Variants in ACAP2 observed in about 807,000 individuals in gnomAD.
The protein encoded by ACAP2 is ArfGAP with coiled-coil, ankyrin repeat and PH domains 2, also known as arf-GAP with coiled-coil, ANK repeat and PH domain-containing protein 2.
ACAP2 carries 39 observed loss-of-function variants against 115.8 expected under a neutral mutation model. The observed-to-expected ratio is 0.34, with a 90% CI of 0.26 to 0.44. The LOEUF (loss-of-function observed/expected upper bound fraction) is 0.44. Among genes scored for constraint, ACAP2 ranks in the 20% least tolerant of loss-of-function variants. ACAP2 has a pLI of 1.00. For synonymous variants in ACAP2, 289 were observed against 315.8 expected, an observed-to-expected ratio of 0.92 and a Z score of 0.90; for missense variants, 662 against 927.6, an observed-to-expected ratio of 0.71 and a Z score of 3.72.
chr3:195,346,668 T>C (rs1359449316), intron 4 of ACAP2, among the ~76,000 whole-genome samples: 1 of 152,156 alleles, frequency 6.6e-6, no homozygotes, highest in Non-Finnish European at 1.5e-5. Context: ...CAATCCTAGG[T>C]ATGTGGCCAA....
chr3:195,368,822 G>A (rs112989072), intron 4 of ACAP2, among the ~76,000 whole-genome samples: 4 of 152,148 alleles, frequency 2.6e-5, no homozygotes, highest in Non-Finnish European at 5.9e-5. Flanking sequence ...AGTGGCTCAC[G>A]CCTGTAATCC....
chr3:195,409,147 T>C (rs1312275984), intron 1 of ACAP2, among the ~76,000 whole-genome samples: 1 of 151,194 alleles, frequency 6.6e-6, no homozygotes, highest in Non-Finnish European at 1.5e-5. Flanking sequence ...GAAGTAAAAG[T>C]ATTTCTGTTT....
intron 13 of ACAP2, among the ~76,000 whole-genome samples, chr3:195,305,703 C>T (rs1471479980): frequency 2.6e-5 from 4 of 152,070 alleles, no homozygotes; most frequent in Non-Finnish European, 5.9e-5. Context: ...TGCTGACATG[C>T]CCTTCGTCAA....
At chr3:195,384,940 G>A (rs368550438) in intron 2 of ACAP2, among the ~76,000 whole-genome samples, 19 of 151,912 alleles carry the variant, frequency 1.3e-4, no homozygotes, top group African/African-American at 9.7e-5. Flanking sequence ...AAAATATTAC[G>A]GCAAAAAATA....
intron 1 of ACAP2, among the ~76,000 whole-genome samples, chr3:195,416,481 A>C (rs1284457087): frequency 6.6e-6 from 1 of 152,192 alleles, no homozygotes; most frequent in Non-Finnish European, 1.5e-5. Flanking sequence ...GATATGAAAC[A>C]TACACCATCT....
At chr3:195,425,264 GGACT>G (rs1714595396) in intron 1 of ACAP2, among the ~76,000 whole-genome samples, 1 of 152,018 alleles carries the variant, frequency 6.6e-6, no homozygotes, top group Admixed American at 6.5e-5. Context: ...TAACGATTCT[GGACT>G]GACTTAGTTA....
At chr3:195,350,074 T>TA (rs1560273595) in intron 4 of ACAP2, 1 of 160,298 alleles carries the variant, frequency 6.2e-6, no homozygotes, top group Admixed American at 6.5e-5. Context: ...CACACACAAA[T>TA]AGACAGAATC....
At chr3:195,292,709 G>A (rs1482503722) in intron 18 of ACAP2, among the ~76,000 whole-genome samples, 1 of 151,964 alleles carries the variant, frequency 6.6e-6, no homozygotes, top group Non-Finnish European at 1.5e-5. Context: ...ATCACTTGAG[G>A]TCAGGAGTTT....
At chr3:195,400,226 GTGTA>G (rs1712168436) in intron 1 of ACAP2, among the ~76,000 whole-genome samples, 1 of 151,550 alleles carries the variant, frequency 6.6e-6, no homozygotes, top group South Asian at 2.1e-4. Context: ...ATATATGTGT[GTGTA>G]TATATATATA....
intron 13 of ACAP2, 42 bp downstream of exon 13, chr3:195,306,469 T>G: frequency 7.4e-7 from 1 of 1,345,848 alleles, no homozygotes; most frequent in Non-Finnish European, 1.0e-6. Flanking sequence ...AATCAAGAAT[T>G]TTGGCAATAT....
At chr3:195,301,435 A>G in intron 15 of ACAP2, 140 bp downstream of exon 15, 2 of 695,416 alleles carry the variant, frequency 2.9e-6, no homozygotes, top group Non-Finnish European at 4.8e-6. Context: ...ATTTGCCAAA[A>G]TAGCCTCAGA....
At position 195,292,322 on chromosome 3, in the gene ACAP2, C is replaced by T; in HGVS notation, c.1896G>A (p.Val632=). 6.2e-7 allele frequency: 1 copy of T among 1,612,466 alleles called. No homozygotes were observed. Among genetic ancestry groups the T allele is most frequent in the Non-Finnish European group, 8.5e-7 (1 of 1,179,554 alleles). ...TGTTTTCCTCTGAATTGGCCCAGTT[C>T]ACGTCTGCACCATGAGCCAAAGCCT... ...MAEALAHGAD[V]NWANSEENKA... is the part of the protein sequence containing the mutation. The change falls in exon 19 of 23, where the codon GTG becomes GTA. Residue 632 remains valine, a synonymous_variant. Coordinates refer to ENST00000326793, the MANE Select transcript of ACAP2 (RefSeq NM_012287.6).
chr3:195,291,532 C>G (rs1727253419), intron 20 of ACAP2, among the ~76,000 whole-genome samples, 174 bp downstream of exon 20: 1 of 152,140 alleles, frequency 6.6e-6, no homozygotes, highest in African/African-American at 2.4e-5. Context: ...CCAATAGTAG[C>G]TTTTTCTGAA....
At chr3:195,441,606 T>G (rs916968098) in intron 1 of ACAP2, among the ~76,000 whole-genome samples, 2 of 152,208 alleles carry the variant, frequency 1.3e-5, no homozygotes, top group Non-Finnish European at 2.9e-5. Flanking sequence ...TGAGAACAGT[T>G]AGTTCCCAGG....
intron 18 of ACAP2, 110 bp downstream of exon 18, chr3:195,294,609 T>TTATATA (rs869264780): frequency 4.5e-3 from 165 of 36,902 alleles, no homozygotes; most frequent in African/African-American, 7.6e-3. Flanking sequence ...AAAAAAAAAA[T>TTATATA]TATATATATA....
chr3:195,438,669 G>T (rs181220046), intron 1 of ACAP2, among the ~76,000 whole-genome samples: 365 of 152,230 alleles, frequency 2.4e-3, no homozygotes, highest in Non-Finnish European at 3.9e-3. Context: ...CCAGGAGTTG[G>T]AGAACAGCCT....
intron 4 of ACAP2, among the ~76,000 whole-genome samples, chr3:195,364,044 G>A (rs1732548476): frequency 6.6e-6 from 1 of 152,220 alleles, no homozygotes; most frequent in African/African-American, 2.4e-5. Flanking sequence ...CATTGGACTG[G>A]ATAAAAATTT....
At chr3:195,369,457 C>T (rs1732973502) in intron 4 of ACAP2, among the ~76,000 whole-genome samples, 1 of 152,118 alleles carries the variant, frequency 6.6e-6, no homozygotes, top group Non-Finnish European at 1.5e-5. Context: ...GACAGTTATT[C>T]CCCTCTTTGT....
Position 195,334,863 on chromosome 3 carries a change from GATTA to G in ACAP2, c.574-1744_574-1741del, listed in dbSNP as rs1485384163. Among the ~76,000 whole-genome samples the G allele has an allele frequency of 7.9e-5, 12 of 152,064 alleles. No individual in the cohort carries two copies. The East Asian group carries it at 2.3e-3, about 29-fold the overall frequency. On this transcript the variant is annotated intron_variant, in intron 7 of 22. Transcript: ENST00000326793. ...TAAATCTATCCTAAGAAAATAATAA[GATTA>G]TTCATTAGAATGATCAGGACAATGC...
Sources: allele counts gnomAD v4.1 joint callset (sites outside exome capture counted in the v4.1 genomes callset), GRCh38; gene constraint gnomAD v4.1.1; transcripts MANE v1.5; gene names NCBI Gene and HGNC (gene_info 2026-07-23, HGNC 2026-07-21).